The following PITPNC1 variants were observed in gnomAD, a reference collection of about 807,000 sequenced individuals.
The protein encoded by PITPNC1 is cytoplasmic phosphatidylinositol transfer protein 1.
In PITPNC1, 18 loss-of-function variants were observed where a neutral mutation model predicts 44.7. The ratio of observed to expected loss-of-function variants is 0.40; its 90% CI spans 0.28 to 0.60. PITPNC1 has a LOEUF of 0.60. PITPNC1 is among the 20% of genes least tolerant of loss of function. The pLI is 0.39. For missense variants in PITPNC1, 290 were observed against 418.4 expected (o/e 0.69, Z 2.68); for synonymous variants, 141 against 149.6 (o/e 0.94, Z 0.42).
intron 5 of PITPNC1, among the ~76,000 whole-genome samples, chr17:67,594,113 T>C (rs2041428676): frequency 6.6e-6 from 1 of 152,100 alleles, no homozygotes; most frequent in South Asian, 2.1e-4. Flanking sequence ...TGTACTAGAA[T>C]CAGAGAAATC....
At chr17:67,401,080 A>C (rs1049224627) in intron 1 of PITPNC1, among the ~76,000 whole-genome samples, 2 of 151,948 alleles carry the variant, frequency 1.3e-5, no homozygotes, top group Admixed American at 1.3e-4. Flanking sequence ...GATTACAAGC[A>C]TGCACCACCA....
chr17:67,397,017 A>G (rs771628111), intron 1 of PITPNC1, among the ~76,000 whole-genome samples: 1 of 151,862 alleles, frequency 6.6e-6, no homozygotes, highest in Non-Finnish European at 1.5e-5. Flanking sequence ...TCTCACTCTT[A>G]TCCCCTAGGC....
chr17:67,678,750 C>T (rs2144425272), intron 8 of PITPNC1, among the ~76,000 whole-genome samples: 1 of 152,292 alleles, frequency 6.6e-6, no homozygotes, highest in African/African-American at 2.4e-5. Flanking sequence ...CCACTGGTAC[C>T]CAGGCTAAGC....
intron 6 of PITPNC1, among the ~76,000 whole-genome samples, chr17:67,637,508 G>A (rs574310993): frequency 1.3e-5 from 2 of 152,140 alleles, no homozygotes; most frequent in Non-Finnish European, 2.9e-5. Context: ...ACACACACAC[G>A]GCCATCCAGG....
intron 1 of PITPNC1, among the ~76,000 whole-genome samples, chr17:67,425,187 GCGCGCGCA>G (rs2038732182): frequency 8.2e-5 from 3 of 36,436 alleles, no homozygotes; most frequent in South Asian, 1.3e-3. Flanking sequence ...GCCATGTTGT[GCGCGCGCA>G]CGCACACGCA....
intron 1 of PITPNC1, among the ~76,000 whole-genome samples, chr17:67,415,969 C>T (rs1333011175): frequency 6.6e-6 from 1 of 151,802 alleles, no homozygotes; most frequent in Non-Finnish European, 1.5e-5. Context: ...AATGTACTGC[C>T]ATTCTTCATT....
intron 4 of PITPNC1, among the ~76,000 whole-genome samples, chr17:67,567,082 G>A (rs2040989857): frequency 6.6e-6 from 1 of 152,220 alleles, no homozygotes; most frequent in African/African-American, 2.4e-5. Context: ...TAACACTATT[G>A]TCATTATAAC....
chr17:67,558,539 A>G (rs977447026), intron 4 of PITPNC1, among the ~76,000 whole-genome samples: 3 of 152,218 alleles, frequency 2.0e-5, no homozygotes, highest in Non-Finnish European at 4.4e-5. Context: ...GTACTAATGA[A>G]GAACAAAGGA....
intron 4 of PITPNC1, among the ~76,000 whole-genome samples, chr17:67,564,387 C>T (rs1038056560): frequency 1.3e-5 from 2 of 152,092 alleles, no homozygotes; most frequent in South Asian, 2.1e-4. Context: ...AGCCTGGAGT[C>T]GTTATCCAAG....
intron 1 of PITPNC1, among the ~76,000 whole-genome samples, chr17:67,381,861 C>G (rs1310952249): frequency 6.6e-6 from 1 of 152,218 alleles, no homozygotes; most frequent in Non-Finnish European, 1.5e-5. Context: ...CACACTTTGC[C>G]TGCTTCTTGT....
intron 5 of PITPNC1, among the ~76,000 whole-genome samples, chr17:67,599,227 T>C (rs1317277620): frequency 6.6e-6 from 1 of 151,190 alleles, no homozygotes. Context: ...CCAAACAGAC[T>C]GAGACACGTG....
chr17:67,384,956 T>A (rs1218892410), intron 1 of PITPNC1, among the ~76,000 whole-genome samples: 8 of 152,270 alleles, frequency 5.3e-5, no homozygotes, highest in Non-Finnish European at 5.9e-5. Flanking sequence ...AAGATAATTC[T>A]ATAAAAAGTT....
intron 1 of PITPNC1, among the ~76,000 whole-genome samples, chr17:67,470,136 T>C (rs934727200): frequency 1.3e-5 from 2 of 152,178 alleles, no homozygotes; most frequent in African/African-American, 4.8e-5. Context: ...TCGGCCAGGC[T>C]GTTTTCAAGC....
chr17:67,658,934 C>T (rs1192748942), intron 6 of PITPNC1, among the ~76,000 whole-genome samples: 1 of 152,180 alleles, frequency 6.6e-6, no homozygotes, highest in Admixed American at 6.5e-5. Flanking sequence ...GGTAAACACC[C>T]ATCATTTACC....
At chr17:67,494,049 C>T (rs990567481) in intron 1 of PITPNC1, among the ~76,000 whole-genome samples, 7 of 152,262 alleles carry the variant, frequency 4.6e-5, no homozygotes, top group East Asian at 1.9e-4. Flanking sequence ...CCTGTCCTTG[C>T]GGAGCTGACC....
intron 5 of PITPNC1, among the ~76,000 whole-genome samples, chr17:67,630,794 CTCTGCCTCCTGGGTTCAAGTGATTCT>C (rs1344425379): frequency 2.0e-5 from 3 of 151,444 alleles, no homozygotes; most frequent in Non-Finnish European, 4.4e-5. Flanking sequence ...TCACTGCAAC[CTCTGCCTCCTGGGTTCAAGTGATTCT>C]TCTGCCTCAG....
At chr17:67,681,812 A>G (rs1218425579) in intron 8 of PITPNC1, among the ~76,000 whole-genome samples, 1 of 152,142 alleles carries the variant, frequency 6.6e-6, no homozygotes, top group African/African-American at 2.4e-5. Flanking sequence ...TTTCAATATA[A>G]AATGATAATC....
chr17:67,490,099 G>T (rs1730083943), intron 1 of PITPNC1, among the ~76,000 whole-genome samples: 1 of 149,978 alleles, frequency 6.7e-6, no homozygotes, highest in South Asian at 2.1e-4. Context: ...TAAAGATTTG[G>T]AAACAGGCTT....
At chr17:67,604,754 G>T (rs1166277229) in intron 5 of PITPNC1, among the ~76,000 whole-genome samples, 1 of 152,084 alleles carries the variant, frequency 6.6e-6, no homozygotes, top group Non-Finnish European at 1.5e-5. Context: ...CTGCACTCCA[G>T]CCTGGACAAC....
Sources: allele counts gnomAD v4.1 joint callset (sites outside exome capture counted in the v4.1 genomes callset), GRCh38; gene constraint gnomAD v4.1.1; transcripts MANE v1.5; gene names NCBI Gene and HGNC (gene_info 2026-07-23, HGNC 2026-07-21).